ANP32B: variants seen among roughly 807,000 people sequenced by gnomAD.
ANP32B encodes acidic nuclear phosphoprotein 32 family member B, also known as acidic leucine-rich nuclear phosphoprotein 32 family member B.
A neutral mutation model predicts 32.2 loss-of-function variants in ANP32B; 6 were observed. The ratio of observed to expected loss-of-function variants is 0.19; its 90% CI spans 0.10 to 0.37. ANP32B has a LOEUF of 0.37. ANP32B is among the 10% of genes least tolerant of loss of function. The probability of loss-of-function intolerance (pLI) is 1.00; values close to 1 mark genes in which losing one functional copy is unlikely to be tolerated. For synonymous variants in ANP32B, 98 were observed against 105.8 expected, an observed-to-expected ratio of 0.93 and a Z score of 0.45; for missense variants, 204 against 289.2, an observed-to-expected ratio of 0.71 and a Z score of 2.14.
chr9:97,994,843 AC>A (rs1827880094), intron 2 of ANP32B, 63 bp downstream of exon 2: 2 of 1,483,758 alleles, frequency 1.3e-6, no homozygotes, highest in Admixed American at 4.5e-5. Context: ...GTATGATTTT[AC>A]CTGTAAGGAA....
At chr9:97,984,346 C>A (rs1236619368) in intron 1 of ANP32B, among the ~76,000 whole-genome samples, 5 of 151,336 alleles carry the variant, frequency 3.3e-5, no homozygotes, top group Admixed American at 1.3e-4. Flanking sequence ...AAAAATAAAA[C>A]TTTCTCCCCC....
At chr9:98,002,930 AAAAGCTGCCT>A (rs2131587964) in intron 3 of ANP32B, among the ~76,000 whole-genome samples, 1 of 152,314 alleles carries the variant, frequency 6.6e-6, no homozygotes, top group East Asian at 1.9e-4. Flanking sequence ...ACCTTTTTGG[AAAAGCTGCCT>A]AAAGCTGACT....
chr9:97,997,148 T>G (rs1288801395), intron 2 of ANP32B, among the ~76,000 whole-genome samples: 1 of 152,196 alleles, frequency 6.6e-6, no homozygotes, highest in Non-Finnish European at 1.5e-5. Flanking sequence ...TTAAGAAAAG[T>G]TATCTCTGTT....
intron 1 of ANP32B, among the ~76,000 whole-genome samples, chr9:97,985,378 G>T (rs1297145432): frequency 1.3e-5 from 2 of 152,172 alleles, no homozygotes. Context: ...GGCCCGCGAG[G>T]GTGGGCCGCT....
intron 2 of ANP32B, among the ~76,000 whole-genome samples, chr9:97,995,061 A>G (rs872251): frequency 0.24 from 36,471 of 152,194 alleles, 4,759 homozygotes; most frequent in Non-Finnish European, 0.3. Context: ...GGTGCTCAAT[A>G]AGTAGTAGTT....
At chr9:97,994,084 C>T (rs1026209830) in intron 1 of ANP32B, among the ~76,000 whole-genome samples, 28 of 152,194 alleles carry the variant, frequency 1.8e-4, no homozygotes, top group African/African-American at 6.8e-4. Flanking sequence ...AGGACTCTTG[C>T]ATCCTGATTT....
chr9:97,997,136 G>A (rs978739441), intron 2 of ANP32B, among the ~76,000 whole-genome samples: 14 of 152,088 alleles, frequency 9.2e-5, no homozygotes, highest in African/African-American at 3.4e-4. Context: ...CTAAAACATG[G>A]GTTAAGAAAA....
At chr9:98,012,604 C>G in intron 6 of ANP32B, 132 bp downstream of exon 6, 1 of 1,320,704 alleles carries the variant, frequency 7.6e-7, no homozygotes, top group Non-Finnish European at 1.0e-6. Flanking sequence ...TTCACATTCT[C>G]GTTTCTATCG....
At chr9:98,003,265 C>T (rs1254929514) in intron 3 of ANP32B, among the ~76,000 whole-genome samples, 1 of 152,072 alleles carries the variant, frequency 6.6e-6, no homozygotes, top group East Asian at 1.9e-4. Flanking sequence ...TTGCTGTAAC[C>T]CTGCTGTGTG....
intron 1 of ANP32B, among the ~76,000 whole-genome samples, chr9:97,992,962 G>C (rs562669415): frequency 1.3e-5 from 2 of 152,152 alleles, no homozygotes; most frequent in Non-Finnish European, 2.9e-5. Context: ...GCACAAGGTC[G>C]CACAAGTTCT....
intron 3 of ANP32B, 24 bp downstream of exon 3, chr9:97,998,702 C>G: frequency 2.0e-6 from 3 of 1,501,978 alleles, no homozygotes; most frequent in Non-Finnish European, 2.7e-6. Flanking sequence ...AATTTGGAAA[C>G]TGGAACTTAC....
chr9:97,984,998 C>A (rs1193122841), intron 1 of ANP32B, among the ~76,000 whole-genome samples: 2 of 150,660 alleles, frequency 1.3e-5, no homozygotes, highest in East Asian at 3.9e-4. Context: ...GCTGCGTGGG[C>A]GTGGGTCCGA....
chr9:97,990,736 G>A (rs1827810321), intron 1 of ANP32B, among the ~76,000 whole-genome samples: 1 of 150,382 alleles, frequency 6.6e-6, no homozygotes, highest in African/African-American at 2.4e-5. Context: ...CATCTCTCTT[G>A]AAGGAGCTGT....
intron 4 of ANP32B, among the ~76,000 whole-genome samples, chr9:98,009,398 C>A (rs1055142686): frequency 3.3e-5 from 5 of 152,212 alleles, no homozygotes; most frequent in African/African-American, 9.6e-5. Flanking sequence ...GCAGCAGTCT[C>A]CAACCTTTTT....
chr9:97,998,751 A>G, intron 3 of ANP32B, 73 bp downstream of exon 3: 1 of 1,159,630 alleles, frequency 8.6e-7, no homozygotes, highest in South Asian at 1.8e-5. Context: ...TAGTGGGGGA[A>G]ATTACTGGCA....
chr9:97,995,499 A>G (rs1827889455), intron 2 of ANP32B, among the ~76,000 whole-genome samples: 2 of 152,244 alleles, frequency 1.3e-5, no homozygotes, highest in Admixed American at 1.3e-4. Context: ...GTAGAAGGAA[A>G]CTAATCAAAC....
chr9:97,992,138 G>A (rs2131583004), intron 1 of ANP32B, among the ~76,000 whole-genome samples: 1 of 152,106 alleles, frequency 6.6e-6, no homozygotes, highest in East Asian at 1.9e-4. Context: ...CACCGAGGCT[G>A]GGGTGCAGTG....
intron 3 of ANP32B, among the ~76,000 whole-genome samples, chr9:98,001,469 G>A (rs1827991684): frequency 6.6e-6 from 1 of 152,212 alleles, no homozygotes; most frequent in Non-Finnish European, 1.5e-5. Flanking sequence ...TGGGATTACA[G>A]GCGTGAGCCA....
chr9:98,002,435 G>A (rs1009788690), intron 3 of ANP32B: 2 of 152,060 alleles, frequency 1.3e-5, no homozygotes, highest in Admixed American at 6.5e-5. Context: ...ATTATGGCTA[G>A]CCTATTAGCT....
Sources: allele counts gnomAD v4.1 joint callset (sites outside exome capture counted in the v4.1 genomes callset), GRCh38; gene constraint gnomAD v4.1.1; transcripts MANE v1.5; gene names NCBI Gene and HGNC (gene_info 2026-07-23, HGNC 2026-07-21).